POSTN: variants seen among roughly 807,000 people sequenced by gnomAD.
POSTN encodes the protein osteoblast specific factor 2 (fasciclin I-like).
A neutral mutation model predicts 104.5 loss-of-function variants in POSTN; 71 were observed. The ratio of observed to expected loss-of-function variants is 0.68; its 90% CI spans 0.56 to 0.83. The LOEUF (loss-of-function observed/expected upper bound fraction) is 0.83, where lower values mean the gene tolerates loss of function less well. Ranked by LOEUF, POSTN falls within the 40% of genes least tolerant of loss-of-function variation. The pLI is 0.00. For synonymous variants in POSTN, 355 were observed against 340.7 expected, an observed-to-expected ratio of 1.04 and a Z score of -0.46; for missense variants, 949 against 1,006.8, an observed-to-expected ratio of 0.94 and a Z score of 0.78.
chr13:37,574,230 G>C (rs888475889), intron 17 of POSTN, among the ~76,000 whole-genome samples: 3 of 151,214 alleles, frequency 2.0e-5, no homozygotes, highest in African/African-American at 7.3e-5. Context: ...TGCAAACAAA[G>C]CAACATAAAG....
intron 3 of POSTN, among the ~76,000 whole-genome samples, chr13:37,591,567 T>A (rs1950935570): frequency 6.6e-6 from 1 of 152,090 alleles, no homozygotes. Context: ...GAATTGGGGA[T>A]GGTTAGCCAG....
rs759566698 is a variant in POSTN, at chr13:37,592,173, A to G, written c.219-9T>C. The G allele has an allele frequency of 6.7e-6, 10 of 1,495,588 alleles. No homozygotes were observed. Among genetic ancestry groups the G allele is most frequent in the Non-Finnish European group, 9.1e-6 (10 of 1,093,362 alleles). The allele number at this position is 1,495,588 out of a possible 1,614,324, so 92.6% of individuals were successfully genotyped here. On this transcript the variant is annotated splice_polypyrimidine_tract_variant and intron_variant, in intron 2 of 22. Transcript: ENST00000379747. ...ATTCATATAACACAGTCCTGTACAT[A>G]GGAAGAAAATTAATATTAAAATGAG...
At position 37,578,878 on chromosome 13, in the gene POSTN, A is replaced by T; in HGVS notation, c.1928T>A (p.Ile643Lys). The change falls in exon 15 of 23, where the codon ATA becomes AAA. Residue 643 changes from isoleucine to lysine, a missense_variant. Transcript: ENST00000379747. ...TPVGNDQLLE[I>K]LNKLIKYIQI... is the part of the protein sequence containing the mutation. ...GATGTATTTGATTAATTTATTAAGT[A>T]TTTCCAGCAGTTGATCATTTCCAAC... is the stretch of plus-strand genomic sequence containing the variant. The T allele has an allele frequency of 6.3e-7, 1 of 1,593,444 alleles. No homozygotes were observed. Among genetic ancestry groups the T allele is most frequent in the Non-Finnish European group, 8.5e-7 (1 of 1,174,394 alleles).
intron 2 of POSTN, among the ~76,000 whole-genome samples, chr13:37,595,128 T>C (rs957178835): frequency 1.3e-5 from 2 of 151,926 alleles, no homozygotes; most frequent in African/African-American, 2.4e-5. Context: ...TATATTTAGA[T>C]GGTTAAAGTA....
intron 2 of POSTN, among the ~76,000 whole-genome samples, chr13:37,594,738 C>T (rs1193732114): frequency 7.0e-6 from 1 of 143,750 alleles, no homozygotes; most frequent in Non-Finnish European, 1.6e-5. Flanking sequence ...GCTCAGTTTA[C>T]TTTTCTCAAA....
At position 37,586,891 on chromosome 13, in the gene POSTN, T is replaced by A; in HGVS notation, c.644A>T (p.Asn215Ile). The change falls in exon 6 of 23, where the codon AAC becomes ATC. Residue 215 changes from asparagine (N) to isoleucine (I), a missense_variant. By Grantham distance (149) the Asn-to-Ile change is moderately radical (BLOSUM62 -3). Coordinates refer to ENST00000379747, the MANE Select transcript of POSTN (RefSeq NM_006475.3). ...TVNCARIIHG[N>I]QIATNGVVHV... The stretch of plus-strand genomic sequence containing the variant: ...GACAACACCATTTGTTGCAATCTGG[T>A]TCCCATGGATGATTCGAGCACAATT... 1 of 1,613,538 alleles carries A rather than the reference T, an allele frequency of 6.2e-7. No homozygotes were observed. The highest frequency in any genetic ancestry group is 8.5e-7 in the Non-Finnish European group (1 of 1,179,632).
At chr13:37,586,026 AT>A in intron 7 of POSTN, 112 bp downstream of exon 7, 1 of 1,042,234 alleles carries the variant, frequency 9.6e-7, no homozygotes. Flanking sequence ...CAGAATAAAA[AT>A]TTTTCCCTGC....
At chr13:37,589,223 C>T (rs1950852293) in intron 4 of POSTN, among the ~76,000 whole-genome samples, 1 of 152,098 alleles carries the variant, frequency 6.6e-6, no homozygotes, top group Non-Finnish European at 1.5e-5. Context: ...CAAGTCCAAA[C>T]AACAAGCGTA....
rs1950736576 is a variant in POSTN, at chr13:37,586,134, A to G, written c.895+5T>C. ...GACTCCTTAGAGATGAAGACATTAA[A>G]CTACCTTCGGAAGCCACTTTGTCTC... On this transcript the variant is annotated splice_donor_5th_base_variant and intron_variant, in intron 7 of 22. Coordinates refer to ENST00000379747, the MANE Select transcript of POSTN (RefSeq NM_006475.3). 6.2e-7 allele frequency: 1 copy of G among 1,609,240 alleles called. No individual in the cohort carries two copies. Among genetic ancestry groups the G allele is most frequent in the Admixed American group, 1.7e-5 (1 of 59,482 alleles).
intron 2 of POSTN, among the ~76,000 whole-genome samples, chr13:37,593,838 A>G (rs1428223505): frequency 2.0e-5 from 3 of 151,696 alleles, no homozygotes; most frequent in Non-Finnish European, 4.4e-5. Context: ...TTCAAATTGA[A>G]CCCTGCTACA....
rs764945268 is a variant in POSTN at position 37,580,547 on chromosome 13, A to T, written c.1529+14T>A. The T allele has an allele frequency of 2.5e-5, 40 of 1,613,758 alleles. No individual in the cohort carries two copies. Among genetic ancestry groups the T allele is most frequent in the Non-Finnish European group, 3.1e-5 (36 of 1,179,858 alleles). The stretch of plus-strand genomic sequence containing the variant: ...AGCTCTCATTCTCTGTGGAGGTGCC[A>T]CTAATAGGCTTACCTAAAGCGCTTA... On this transcript the variant is annotated intron_variant, in intron 11 of 22. Transcript: ENST00000379747.
chr13:37,596,894 C>T (rs1382546511), intron 2 of POSTN, among the ~76,000 whole-genome samples: 4 of 152,266 alleles, frequency 2.6e-5, no homozygotes, highest in Non-Finnish European at 5.9e-5. Flanking sequence ...GGAGTAGAAA[C>T]AACATCATTT....
At chr13:37,576,569 G>A (rs1047090856) in intron 16 of POSTN, among the ~76,000 whole-genome samples, 1 of 151,774 alleles carries the variant, frequency 6.6e-6, no homozygotes, top group Non-Finnish European at 1.5e-5. Flanking sequence ...GGATAAAGAA[G>A]GGAAGCTAAA....
Position 37,598,750 on chromosome 13 carries a change from G to C in POSTN, c.-24C>G, listed in dbSNP as rs1420461496. ...ATCTTGAGTCTCTCCGTTGCAGTTA[G>C]TCCCCGAAGAGAACTGGCAGTGGGC... is the stretch of plus-strand genomic sequence containing the variant. On this transcript the variant is annotated 5_prime_UTR_variant, in exon 1 of 23. Transcript: ENST00000379747. The C allele has an allele frequency of 1.2e-6, 2 of 1,610,460 alleles. No homozygotes were observed. The highest frequency in any genetic ancestry group is 1.7e-4 in the Middle Eastern group (1 of 6,032).
chr13:37,597,799 A>G (rs1300283280), intron 1 of POSTN, among the ~76,000 whole-genome samples: 1 of 152,200 alleles, frequency 6.6e-6, no homozygotes, highest in Admixed American at 6.5e-5. Context: ...CTTTGAAACA[A>G]TATGGTTGCA....
rs544020455 is a variant in POSTN at position 37,569,660 on chromosome 13, T to G, written c.2347+84A>C. The G allele has an allele frequency of 4.7e-6, 5 of 1,053,464 alleles. No homozygotes were observed. The East Asian group carries it at 1.2e-4, about 25-fold the overall frequency. 65.3% of individuals were successfully genotyped at this position (1,053,464 alleles called of 1,614,324 possible). ...AAATGAACAATAGATTGAGATAGAG[T>G]AGAAAACATGTAGAATGTTATTTTA... is the stretch of plus-strand genomic sequence containing the variant. On this transcript the variant is annotated intron_variant, in intron 20 of 22. Transcript: ENST00000379747.
chr13:37,596,696 TGAA>T (rs1566039431), intron 2 of POSTN, among the ~76,000 whole-genome samples: 1 of 152,188 alleles, frequency 6.6e-6, no homozygotes, highest in Non-Finnish European at 1.5e-5. Context: ...TAAACTTTGA[TGAA>T]AACTCTCCGG....
chr13:37,579,712 C>A (rs1296512214), intron 12 of POSTN, 149 bp downstream of exon 12: 1 of 883,436 alleles, frequency 1.1e-6, no homozygotes, highest in African/African-American at 1.7e-5. Flanking sequence ...CTCCACACAT[C>A]CCAAGTGGAC....
At chr13:37,569,866 A>C (rs1566543592) in intron 19 of POSTN, 45 bp from the exon 20 acceptor site, 1 of 1,309,838 alleles carries the variant, frequency 7.6e-7, no homozygotes, top group Non-Finnish European at 1.1e-6. Context: ...AAGTAGGCAA[A>C]CTTCTTCTGC....
Sources: gnomAD v4.1 joint callset for allele counts (sites outside exome capture counted in the v4.1 genomes callset) on GRCh38, gnomAD v4.1.1 for gene constraint, MANE v1.5 for transcripts, NCBI Gene and HGNC (gene_info 2026-07-23, HGNC 2026-07-21) for gene names.